Variants in TBCD observed in about 807,000 individuals in gnomAD.
The protein encoded by TBCD is tubulin-specific chaperone D.
TBCD carries 105 observed loss-of-function variants against 169.3 expected under a neutral mutation model. The observed-to-expected ratio is 0.62, with a 90% CI of 0.53 to 0.73. The LOEUF (loss-of-function observed/expected upper bound fraction) is 0.73, where lower values mean the gene tolerates loss of function less well. Ranked by LOEUF, TBCD falls within the 30% of genes least tolerant of loss-of-function variation. TBCD has a pLI of 0.00. For missense variants in TBCD, 1,444 were observed against 1,600.1 expected (o/e 0.90, Z 1.66); for synonymous variants, 700 against 643.9 (o/e 1.09, Z -1.32).
rs113989264 is a variant in TBCD, at chr17:82,780,940, C to T, written c.639-649C>T. 1.0e-3 allele frequency among the ~76,000 whole-genome samples: 152 copies of T among 152,132 alleles called. 2 individuals are homozygous for T. The Middle Eastern group carries it at 0.01, about 10-fold the overall frequency. ...GATTACAGGCATGAGCCACTGCGCCCGGCCAGATTTGGGCTTTTGGTTTGG... is the reference window on the plus strand; with the variant it reads ...GATTACAGGCATGAGCCACTGCGCCTGGCCAGATTTGGGCTTTTGGTTTGG... On this transcript the variant is annotated intron_variant, in intron 6 of 38. Coordinates refer to ENST00000355528, the MANE Select transcript of TBCD (RefSeq NM_005993.5).
chr17:82,882,060 G>A (rs904410001), intron 14 of TBCD, among the ~76,000 whole-genome samples: 6 of 152,148 alleles, frequency 3.9e-5, no homozygotes, highest in African/African-American at 1.2e-4. Flanking sequence ...ATGGTTGGGC[G>A]TCCCAAATCC....
intron 7 of TBCD, among the ~76,000 whole-genome samples, chr17:82,790,573 C>T (rs2049642333): frequency 6.6e-6 from 1 of 152,176 alleles, no homozygotes; most frequent in Non-Finnish European, 1.5e-5. Context: ...TGCTCTCCGT[C>T]CTCATGCTTG....
chr17:82,929,169 T>C lies in TBCD; in HGVS notation c.2750T>C (p.Phe917Ser). ...CAGGCCAGTGAGAAGATTGACCGTT[T>C]CCGTGCTCACGCCGCCAGCGTGTTC... is the stretch of plus-strand genomic sequence containing the variant. Reference protein sequence around the residue: ...AQQASEKIDRFRAHAASVFLT... With the variant: ...AQQASEKIDRSRAHAASVFLT... The change falls in exon 31 of 39, where the codon TTC becomes TCC. Residue 917 changes from phenylalanine (F) to serine (S), a missense_variant. Coordinates refer to ENST00000355528, the MANE Select transcript of TBCD (RefSeq NM_005993.5). 6.2e-7 allele frequency: 1 copy of C among 1,613,612 alleles called. No homozygotes were observed. Among genetic ancestry groups the C allele is most frequent in the South Asian group, 1.1e-5 (1 of 91,070 alleles).
At chr17:82,774,195 C>T (rs941604887) in intron 6 of TBCD, among the ~76,000 whole-genome samples, 11 of 152,076 alleles carry the variant, frequency 7.2e-5, no homozygotes, top group Non-Finnish European at 1.5e-4. Flanking sequence ...GAGGACCCTG[C>T]GGCCTTCCGC....
Position 82,929,123 on chromosome 17 carries a change from A to G in TBCD, c.2704A>G (p.Ile902Val), listed in dbSNP as rs1335647744. 2 of 1,611,156 alleles carry G rather than the reference A, an allele frequency of 1.2e-6. No homozygotes were observed. The highest frequency in any genetic ancestry group is 2.2e-5 in the East Asian group (1 of 44,862). ...ELIEAHTCER[I>V]MCCVAQQASE... ...GCTCTCGGTTTGCAGCTGTGAGCGC[A>G]TCATGTGCTGTGTGGCCCAGCAGGC... Residue 902 changes from isoleucine (I) to valine (V), a missense_variant, in exon 31 of 39, where the codon ATC becomes GTC. By Grantham distance (29) the Ile-to-Val change is conservative. Coordinates refer to ENST00000355528, the MANE Select transcript of TBCD (RefSeq NM_005993.5).
At position 82,916,308 on chromosome 17, in the gene TBCD, G is replaced by A. The variant is rs188824529; in HGVS notation, c.2039-4248G>A. Among the ~76,000 whole-genome samples, 180 of 152,106 alleles carry A rather than the reference G, an allele frequency of 1.2e-3. 1 individual carries two copies. The highest frequency in any genetic ancestry group is 4.1e-3 in the African/African-American group (172 of 41,494). On this transcript the variant is annotated intron_variant, in intron 23 of 38. Transcript: ENST00000355528. ...GCTCAGGCTGGAGTCACAGTGGCGC[G>A]ATCTCGGCTCACTGCAGCCTCCATC...
chr17:82,814,094 G>A (rs944101638), intron 12 of TBCD, among the ~76,000 whole-genome samples: 1 of 152,118 alleles, frequency 6.6e-6, no homozygotes, highest in Non-Finnish European at 1.5e-5. Flanking sequence ...TGACTTGATC[G>A]ATGGCCATTG....
intron 13 of TBCD, chr17:82,838,787 G>A (rs1256278590): frequency 5.1e-6 from 5 of 985,318 alleles, no homozygotes; most frequent in Non-Finnish European, 6.0e-6. Flanking sequence ...ACAACCAGGG[G>A]CTCTTAACTC....
intron 11 of TBCD, among the ~76,000 whole-genome samples, chr17:82,808,106 C>G (rs1598623341): frequency 6.6e-6 from 1 of 152,194 alleles, no homozygotes; most frequent in Admixed American, 6.5e-5. Context: ...TCGACATGCA[C>G]CCTGCACCCC....
chr17:82,820,707 T>G (rs1441213552), intron 13 of TBCD, among the ~76,000 whole-genome samples: 1 of 152,184 alleles, frequency 6.6e-6, no homozygotes, highest in Non-Finnish European at 1.5e-5. Context: ...CGCTTGATGG[T>G]GCCCTATGAG....
intron 7 of TBCD, among the ~76,000 whole-genome samples, chr17:82,794,910 C>T (rs531562572): frequency 1.3e-5 from 2 of 152,302 alleles, no homozygotes; most frequent in Admixed American, 6.5e-5. Context: ...ACCCTTCGCC[C>T]TGTAAATGTG....
intron 16 of TBCD, 63 bp from the exon 17 acceptor site, chr17:82,893,484 C>G: frequency 7.6e-7 from 1 of 1,316,968 alleles, no homozygotes; most frequent in East Asian, 2.4e-5. Flanking sequence ...GATTATTGAA[C>G]TTGGTGAAAT....
In TBCD at chr17:82,927,978, G is replaced by A. The variant is rs781001003; in HGVS notation, c.2683G>A (p.Glu895Lys). ...LLARSQPELIEAHTCERIMCC... is the reference protein window; with the variant it reads ...LLARSQPELIKAHTCERIMCC... ...GGCTCGGAGCCAGCCTGAGCTGATCGAGGCCCATACGTGAGTGTCACGTCG... is the reference window on the plus strand; with the variant it reads ...GGCTCGGAGCCAGCCTGAGCTGATCAAGGCCCATACGTGAGTGTCACGTCG... Residue 895 changes from glutamate to lysine, a missense_variant, in exon 30 of 39, where the codon GAG (glutamate) becomes AAG (lysine). Physicochemically the swap from Glu to Lys is moderately conservative, Grantham distance 56. Coordinates refer to ENST00000355528, the MANE Select transcript of TBCD (RefSeq NM_005993.5). The A allele has an allele frequency of 5.0e-6, 8 of 1,611,204 alleles. No homozygotes were observed. The highest frequency in any genetic ancestry group is 1.6e-4 in the Middle Eastern group (1 of 6,080).
intron 13 of TBCD, among the ~76,000 whole-genome samples, chr17:82,849,185 T>TCAGGG (rs1362082638): frequency 1.0e-5 from 1 of 96,864 alleles, no homozygotes; most frequent in African/African-American, 4.7e-5. Context: ...GCCTGCTGCG[T>TCAGGG]CTTCTCACCT....
intron 7 of TBCD, among the ~76,000 whole-genome samples, chr17:82,796,920 G>A (rs891195391): frequency 2.6e-5 from 4 of 152,196 alleles, no homozygotes; most frequent in Non-Finnish European, 5.9e-5. Context: ...TCATTTTTCC[G>A]TGTGGTGGGC....
At chr17:82,807,871 G>A (rs1239075604) in intron 11 of TBCD, among the ~76,000 whole-genome samples, 2 of 152,254 alleles carry the variant, frequency 1.3e-5, no homozygotes, top group Admixed American at 1.3e-4. Flanking sequence ...TCCTGCCTCT[G>A]GCTGGCCCTG....
rs569334034 is a variant in TBCD, at chr17:82,833,050, C to T, written c.1318+18116C>T. On this transcript the variant is annotated intron_variant, in intron 13 of 38. Transcript: ENST00000355528. The surrounding 1 kb of genome is among the most constrained non-coding windows in gnomAD (Gnocchi z 4.7). ...CCCAGGGTCTGGACAGAGTCCTGTC[C>T]CAGGGCTGCCCGACTCTGCTTGGGG... 6.6e-6 allele frequency among the ~76,000 whole-genome samples: 1 copy of T among 152,202 alleles called. No individual in the cohort carries two copies. Among genetic ancestry groups the T allele is most frequent in the East Asian group, 1.9e-4 (1 of 5,160 alleles).
chr17:82,830,363 C>T, intron 13 of TBCD: 1 of 1,613,292 alleles, frequency 6.2e-7, no homozygotes, highest in Non-Finnish European at 8.5e-7. Flanking sequence ...CCATCGCCCA[C>T]CCGGATGTTC....
At chr17:82,873,608 C>G (rs1363847050) in intron 14 of TBCD, among the ~76,000 whole-genome samples, 1 of 152,220 alleles carries the variant, frequency 6.6e-6, no homozygotes, top group East Asian at 1.9e-4. Context: ...TACCTAAGGT[C>G]CTGGACAGGC....
Sources: allele counts gnomAD v4.1 joint callset (sites outside exome capture counted in the v4.1 genomes callset), GRCh38; gene constraint gnomAD v4.1.1; non-coding constraint Gnocchi (gnomAD v3.1); transcripts MANE v1.5; gene names NCBI Gene and HGNC (gene_info 2026-07-23, HGNC 2026-07-21).